The following PTPN5 variants were observed in gnomAD, a reference collection of about 807,000 sequenced individuals.
The protein encoded by PTPN5 is tyrosine-protein phosphatase non-receptor type 5.
PTPN5 carries 29 observed loss-of-function variants against 73.9 expected under a neutral mutation model. The ratio of observed to expected loss-of-function variants is 0.39; its 90% CI spans 0.29 to 0.54. The LOEUF (loss-of-function observed/expected upper bound fraction) is 0.54, where lower values mean the gene tolerates loss of function less well. Ranked by LOEUF, PTPN5 falls within the 20% of genes least tolerant of loss-of-function variation. The probability of loss-of-function intolerance (pLI) is 0.65; values close to 1 mark genes in which losing one functional copy is unlikely to be tolerated. For missense variants in PTPN5, 652 were observed against 751.4 expected (o/e 0.87, Z 1.55); for synonymous variants, 267 against 304.7 (o/e 0.88, Z 1.29).
chr11:18,745,984 A>T (rs746417502), intron 3 of PTPN5, among the ~76,000 whole-genome samples: 1 of 151,638 alleles, frequency 6.6e-6, no homozygotes, highest in Non-Finnish European at 1.5e-5. Flanking sequence ...GCAGAGTGGT[A>T]TCAGCTTTGT....
At chr11:18,734,893 G>C (rs1167344841) in intron 9 of PTPN5, among the ~76,000 whole-genome samples, 1 of 152,122 alleles carries the variant, frequency 6.6e-6, no homozygotes, top group Non-Finnish European at 1.5e-5. Flanking sequence ...CTCACAGGCA[G>C]TATAGGGGAG....
chr11:18,733,606 G>C lies in PTPN5; in HGVS notation c.1030C>G (p.Pro344Ala), dbSNP rs747282427. 82 of 1,614,136 alleles carry C rather than the reference G, an allele frequency of 5.1e-5. No homozygotes were observed. In the South Asian group the frequency reaches 8.9e-4, roughly 18 times the overall value. Reference protein sequence around the residue: ...NPHSRVCLTSPDPDDPLSSYI... With the variant: ...NPHSRVCLTSADPDDPLSSYI... ...GAACTCAGAGGGTCGTCAGGGTCTG[G>C]TGAGGTCAGACACACTCTGCTGTGA... The change falls in exon 10 of 15, where the codon CCA (proline) becomes GCA (alanine). Residue 344 changes from proline (P) to alanine (A), a missense_variant. By Grantham distance (27) the Pro-to-Ala change is conservative. Around this residue, in one of 3 missense-constraint regions of PTPN5, gnomAD observed 529 missense variants for 573.9 expected, o/e 0.92. Transcript: ENST00000358540. The surrounding 1 kb of genome is among the most constrained non-coding windows in gnomAD (Gnocchi z 4.3).
chr11:18,759,183 G>A (rs1434918578), intron 3 of PTPN5, among the ~76,000 whole-genome samples: 1 of 151,904 alleles, frequency 6.6e-6, no homozygotes, highest in East Asian at 1.9e-4. Context: ...GGAAAAAAAG[G>A]TTTTTTTTCT....
intron 3 of PTPN5, among the ~76,000 whole-genome samples, chr11:18,765,509 AT>A (rs1315253207): frequency 4.3e-4 from 65 of 152,150 alleles, no homozygotes; most frequent in Non-Finnish European, 2.4e-4. Context: ...GTCAGTGGTC[AT>A]TCCCTAGGAG....
intron 3 of PTPN5, among the ~76,000 whole-genome samples, chr11:18,746,021 G>A (rs750905199): frequency 1.7e-4 from 26 of 151,588 alleles, no homozygotes; most frequent in Non-Finnish European, 2.5e-4. Context: ...AGCATGTAGC[G>A]TAAGTCCTGG....
chr11:18,735,059 A>T (rs1033591491), intron 9 of PTPN5, among the ~76,000 whole-genome samples: 1 of 152,224 alleles, frequency 6.6e-6, no homozygotes, highest in African/African-American at 2.4e-5. Context: ...TATCTTGTAA[A>T]GGAGTTAACT....
chr11:18,749,194 A>G (rs1849771652), intron 3 of PTPN5, among the ~76,000 whole-genome samples: 1 of 152,222 alleles, frequency 6.6e-6, no homozygotes, highest in Non-Finnish European at 1.5e-5. Context: ...AATAGTTCAC[A>G]GCGAGGTAGC....
intron 1 of PTPN5, among the ~76,000 whole-genome samples, chr11:18,774,085 T>A (rs1243430207): frequency 6.6e-6 from 1 of 152,262 alleles, no homozygotes; most frequent in Admixed American, 6.5e-5. Context: ...AGGTCTTCAC[T>A]CTGCTCTAGT....
chr11:18,782,884 C>A (rs752422133), intron 1 of PTPN5, among the ~76,000 whole-genome samples: 1 of 152,184 alleles, frequency 6.6e-6, no homozygotes, highest in Non-Finnish European at 1.5e-5. Flanking sequence ...ACTCTCCCAC[C>A]CAAAGGCCAG....
intron 1 of PTPN5, among the ~76,000 whole-genome samples, chr11:18,783,733 C>A (rs1851546113): frequency 1.3e-5 from 2 of 152,218 alleles, no homozygotes; most frequent in Admixed American, 6.5e-5. Context: ...CCTCTGGCAC[C>A]TCCACTAGAC....
intron 3 of PTPN5, among the ~76,000 whole-genome samples, chr11:18,764,096 G>A (rs185191892): frequency 9.2e-5 from 14 of 152,292 alleles, no homozygotes; most frequent in Middle Eastern, 6.8e-3. Context: ...GACTTCTGAT[G>A]TCATCTGGAC....
At position 18,733,705 on chromosome 11, in the gene PTPN5, A is replaced by G; in HGVS notation, c.1001-70T>C. Reference sequence around the variant, plus strand: ...GTGCAGGACCCACTTGCTCTGGCCTATTCCAGCATACCCACACTTCTTCTG... The same window carrying G: ...GTGCAGGACCCACTTGCTCTGGCCTGTTCCAGCATACCCACACTTCTTCTG... On this transcript the variant is annotated intron_variant, in intron 9 of 14. Coordinates refer to ENST00000358540, the MANE Select transcript of PTPN5 (RefSeq NM_006906.2). This position sits in a 1 kb window ranked among gnomAD's most constrained non-coding sequence, Gnocchi z 4.3. 7.5e-7 allele frequency: 1 copy of G among 1,325,054 alleles called. No homozygotes were observed. Among genetic ancestry groups the G allele is most frequent in the African/African-American group, 1.4e-5 (1 of 69,374 alleles). 82.1% of individuals were successfully genotyped at this position (1,325,054 alleles called of 1,614,324 possible).
chr11:18,743,494 G>A (rs1023731967), intron 4 of PTPN5, 65 bp from the exon 5 acceptor site: 54 of 1,433,806 alleles, frequency 3.8e-5, no homozygotes, highest in Non-Finnish European at 4.9e-5. Context: ...CCCCAGCAGA[G>A]CTCACCTGCA....
rs138509696 is a variant in PTPN5 at position 18,729,739 on chromosome 11, G to C, written c.1409C>G (p.Pro470Arg). ...CACCTCCCGCACCAGGTGCAGGAGT[G>C]GGGGGGCCCGGTCTGGGGTCTTCTG... ...PDQKTPDRAPPLLHLVREVEE... is the reference protein window; with the variant it reads ...PDQKTPDRAPRLLHLVREVEE... The change falls in exon 13 of 15, where the codon CCA becomes CGA. Residue 470 changes from proline to arginine, a missense_variant. Around this residue, in one of 3 missense-constraint regions of PTPN5, gnomAD observed 102 missense variants for 160.5 expected, o/e 0.64. Transcript: ENST00000358540. The surrounding 1 kb of genome is among the most constrained non-coding windows in gnomAD (Gnocchi z 5.2). 8.7e-5 allele frequency: 140 copies of C among 1,604,542 alleles called. No individual in the cohort carries two copies. The highest frequency in any genetic ancestry group is 7.0e-4 in the South Asian group (63 of 90,296).
chr11:18,736,796 G>T (rs1348626550), intron 9 of PTPN5, among the ~76,000 whole-genome samples: 1 of 152,132 alleles, frequency 6.6e-6, no homozygotes, highest in African/African-American at 2.4e-5. Context: ...CCTTCCCCCA[G>T]TGGCCATTCT....
At chr11:18,738,082 CAACA>C in intron 8 of PTPN5, 118 bp from the exon 9 acceptor site, 3 of 759,244 alleles carry the variant, frequency 4.0e-6, no homozygotes, top group East Asian at 2.6e-5. Flanking sequence ...CGCATTCATT[CAACA>C]AACATTTACT....
intron 2 of PTPN5, among the ~76,000 whole-genome samples, chr11:18,768,628 T>C (rs763234932): frequency 1.2e-4 from 19 of 152,140 alleles, no homozygotes; most frequent in Non-Finnish European, 5.9e-5. Context: ...ACTCTATAAA[T>C]AAGCTTCCTA....
At chr11:18,749,688 C>T (rs903333841) in intron 3 of PTPN5, among the ~76,000 whole-genome samples, 7 of 152,164 alleles carry the variant, frequency 4.6e-5, no homozygotes, top group Non-Finnish European at 7.4e-5. Flanking sequence ...CTTCAGATTT[C>T]ACCTGGGGCA....
At position 18,772,007 on chromosome 11, in the gene PTPN5, C is replaced by T. The variant is rs1850926124; in HGVS notation, c.-49G>A. On this transcript the variant is annotated 5_prime_UTR_variant, in exon 2 of 15. Transcript: ENST00000358540. ...GGGTGCCATCTTCCAGGGCAGGAAG[C>T]TTTCTCAGCAAAAAGCAAGCTGGTG... is the stretch of plus-strand genomic sequence containing the variant. 4 of 1,485,974 alleles carry T rather than the reference C, an allele frequency of 2.7e-6. No homozygotes were observed. The highest frequency in any genetic ancestry group is 3.6e-6 in the Non-Finnish European group (4 of 1,108,136). 92.0% of individuals were successfully genotyped at this position (1,485,974 alleles called of 1,614,324 possible). A position where few individuals can be genotyped will look rare whatever the true frequency, so the allele number is the denominator to read the frequency against.
Sources: gnomAD v4.1 joint callset for allele counts (sites outside exome capture counted in the v4.1 genomes callset) on GRCh38, gnomAD v4.1.1 for gene constraint, gnomAD v4.1.1 regional missense constraint, Gnocchi (gnomAD v3.1) non-coding constraint, MANE v1.5 for transcripts, NCBI Gene and HGNC (gene_info 2026-07-23, HGNC 2026-07-21) for gene names.